Variants in NTN5 observed in about 807,000 individuals in gnomAD.
NTN5 encodes netrin-5.
Under a neutral mutation model 38.7 loss-of-function variants are expected in NTN5, and 42 were observed. The observed-to-expected ratio is 1.08, with a 90% confidence interval of 0.85 to 1.40. The LOEUF (loss-of-function observed/expected upper bound fraction) is 1.40, where lower values mean the gene tolerates loss of function less well. Ranked by LOEUF, NTN5 falls within the 40% of genes most tolerant of loss-of-function variation. NTN5 has a pLI of 0.00. For missense variants in NTN5, 658 were observed against 716.5 expected (o/e 0.92, Z 0.93); for synonymous variants, 329 against 303.9 (o/e 1.08, Z -0.86).
intron 3 of NTN5, 79 bp from the exon 4 acceptor site, chr19:48,664,371 C>T: frequency 2.6e-6 from 4 of 1,524,140 alleles, no homozygotes; most frequent in Non-Finnish European, 2.7e-6. Context: ...CCTCCTCCCT[C>T]AGCCTGGGGA....
At chr19:48,670,295 G>T in intron 2 of NTN5, 61 bp downstream of exon 2, 1 of 1,367,180 alleles carries the variant, frequency 7.3e-7, no homozygotes, top group South Asian at 1.8e-5. Flanking sequence ...TGCTCCCGTA[G>T]GGACAAAGGA....
chr19:48,670,844 G>T lies in NTN5; in HGVS notation c.143C>A (p.Ala48Asp). ...AVAASCPQAC[A>D]LSPGNHLGAR... Reference sequence around the variant, plus strand: ...GCCAAGGTGGTTTCCTGGGGACAGGGCACAGGCCTGAGGGCAGGAGGCCGC... The same window carrying T: ...GCCAAGGTGGTTTCCTGGGGACAGGTCACAGGCCTGAGGGCAGGAGGCCGC... Residue 48 changes from alanine to aspartate, a missense_variant, in exon 2 of 7, where the codon GCC (alanine) becomes GAC (aspartate). Ala to Asp is a moderately radical substitution (Grantham distance 126). Coordinates refer to ENST00000270235, the MANE Select transcript of NTN5 (RefSeq NM_145807.4). The T allele has an allele frequency of 6.2e-7, 1 of 1,612,926 alleles. No individual in the cohort carries two copies. Among genetic ancestry groups the T allele is most frequent in the South Asian group, 1.1e-5 (1 of 91,084 alleles).
chr19:48,669,038 C>T (rs2031782475), intron 2 of NTN5, among the ~76,000 whole-genome samples: 1 of 143,280 alleles, frequency 7.0e-6, no homozygotes. Context: ...CTATCACTAT[C>T]ATCACCACCA....
chr19:48,664,791 C>T (rs1452610540), intron 2 of NTN5, 24 bp from the exon 3 acceptor site: 11 of 1,506,268 alleles, frequency 7.3e-6, no homozygotes, highest in East Asian at 5.2e-5. Context: ...GGGGTGGGGG[C>T]GCATCAGGGC....
At chr19:48,669,891 T>TTAC (rs2031891602) in intron 2 of NTN5, among the ~76,000 whole-genome samples, 1 of 51,646 alleles carries the variant, frequency 1.9e-5, no homozygotes, top group Non-Finnish European at 3.8e-5. Context: ...ACCATCACCA[T>TTAC]CACCACCACC....
rs1255928474 is a variant in NTN5 at position 48,670,621 on chromosome 19, G to A, written c.366C>T (p.Thr122=). The A allele has an allele frequency of 1.3e-6, 2 of 1,599,722 alleles. No individual in the cohort carries two copies. Among genetic ancestry groups the A allele is most frequent in the African/African-American group, 2.7e-5 (2 of 74,684 alleles). The part of the protein sequence containing the change: ...PGALGGPERV[T]FHSTPGPKAT... ...CCTTAGGACCTGGTGTGGAGTGGAA[G>A]GTCACCCTTTCAGGGCCCCCTAAGG... Residue 122 remains threonine (T), a synonymous_variant, in exon 2 of 7, where the codon ACC becomes ACT. Transcript: ENST00000270235.
chr19:48,661,655 T>C lies in NTN5; in HGVS notation c.*22A>G, dbSNP rs1274712150. 1 of 1,515,536 alleles carries C rather than the reference T, an allele frequency of 6.6e-7. No homozygotes were observed. The highest frequency in any genetic ancestry group is 1.2e-5 in the South Asian group (1 of 80,412). The allele number at this position is 1,515,536 out of a possible 1,614,324, so 93.9% of individuals were successfully genotyped here. A position where few individuals can be genotyped will look rare whatever the true frequency, so the allele number is the denominator to read the frequency against. The stretch of plus-strand genomic sequence containing the variant: ...CGCTCCCAAATTACTTTGTTGGTGC[T>C]CGAGGCAGCCCCATCTCACGTCTAG... On this transcript the variant is annotated 3_prime_UTR_variant, in exon 7 of 7. Transcript: ENST00000270235.
chr19:48,667,435 G>T, intron 2 of NTN5: 1 of 394,448 alleles, frequency 2.5e-6, no homozygotes, highest in Non-Finnish European at 5.1e-6. Flanking sequence ...TCCAGGCCCA[G>T]GATGAAGGCT....
intron 2 of NTN5, among the ~76,000 whole-genome samples, chr19:48,670,014 T>TCAC (rs200692697): frequency 1.0e-3 from 101 of 99,724 alleles, no homozygotes; most frequent in Non-Finnish European, 1.6e-3. Context: ...ACCACCATCA[T>TCAC]CACCACCACC....
intron 6 of NTN5, among the ~76,000 whole-genome samples, 171 bp from the exon 7 acceptor site, chr19:48,662,212 G>C (rs1034528762): frequency 6.6e-6 from 1 of 152,158 alleles, no homozygotes; most frequent in Non-Finnish European, 1.5e-5. Flanking sequence ...AATCGTGAGG[G>C]GTAGAGCCTG....
Position 48,664,561 on chromosome 19 carries a change from T to C in NTN5, c.820+18A>G. ...CCTACCTCTGCTCCCCCCAGGCCTG[T>C]CTGCAGGCCACACTCACCTCTGCAG... On this transcript the variant is annotated intron_variant, in intron 3 of 6. Coordinates refer to ENST00000270235, the MANE Select transcript of NTN5 (RefSeq NM_145807.4). 2 of 1,587,782 alleles carry C rather than the reference T, an allele frequency of 1.3e-6. No homozygotes were observed. Among genetic ancestry groups the C allele is most frequent in the Non-Finnish European group, 1.7e-6 (2 of 1,165,834 alleles).
chr19:48,662,057 A>AT lies in NTN5; in HGVS notation c.1106-17dup. 6.9e-7 allele frequency: 1 copy of AT among 1,444,366 alleles called. No individual in the cohort carries two copies. The highest frequency in any genetic ancestry group is 9.0e-7 in the Non-Finnish European group (1 of 1,105,844). The allele number at this position is 1,444,366 out of a possible 1,614,324, so 89.5% of individuals were successfully genotyped here. Reference sequence around the variant, plus strand: ...GCGCGGAGAACTGTGGGGAGGGGAGATGTCAGCCCAGGTCGTGGGGAGCTT... The same window carrying AT: ...GCGCGGAGAACTGTGGGGAGGGGAGATTGTCAGCCCAGGTCGTGGGGAGCTT... On this transcript the variant is annotated splice_polypyrimidine_tract_variant and intron_variant, in intron 6 of 6. Transcript: ENST00000270235.
intron 6 of NTN5, chr19:48,663,115 G>A (rs1446778377): frequency 2.3e-6 from 1 of 439,636 alleles, no homozygotes; most frequent in African/African-American, 2.0e-5. Context: ...ATGAAGGGAA[G>A]CAGAAAGGGT....
At chr19:48,669,828 CCAT>C (rs1282318762) in intron 2 of NTN5, among the ~76,000 whole-genome samples, 2 of 79,818 alleles carry the variant, frequency 2.5e-5, no homozygotes, top group Non-Finnish European at 6.0e-5. Flanking sequence ...ACCACCACCA[CCAT>C]CACCATCACC....
intron 5 of NTN5, 48 bp downstream of exon 5, chr19:48,663,713 C>T (rs2147736806): frequency 1.3e-6 from 2 of 1,589,852 alleles, no homozygotes; most frequent in East Asian, 4.5e-5. Flanking sequence ...GTCAGCCCAT[C>T]CTCATTCCCA....
chr19:48,667,206 C>T (rs2031727885), intron 2 of NTN5: 1 of 163,856 alleles, frequency 6.1e-6, no homozygotes. Flanking sequence ...CGTTTTGCCT[C>T]ACTTCCCCTG....
chr19:48,661,742 C>T lies in NTN5; in HGVS notation c.1405G>A (p.Glu469Lys), dbSNP rs998833186. 85 of 1,528,814 alleles carry T rather than the reference C, an allele frequency of 5.6e-5. No homozygotes were observed. Among genetic ancestry groups the T allele is most frequent in the South Asian group, 2.3e-4 (19 of 83,830 alleles). 94.7% of individuals were successfully genotyped at this position (1,528,814 alleles called of 1,614,324 possible). Residue 469 changes from glutamate (E) to lysine (K), a missense_variant, in exon 7 of 7, where the codon GAG becomes AAG. By Grantham distance (56) the Glu-to-Lys change is moderately conservative. Transcript: ENST00000270235. ...CCGCGGCAGCCTCCGGCGCGCTCCT[C>T]CTGCTGCAGCCGCTTCAGGGGCCGG... ...WARPLKRLQQ[E>K]ERAGGCRGVR...
intron 2 of NTN5, among the ~76,000 whole-genome samples, chr19:48,666,816 T>TG (rs1424278866): frequency 6.6e-6 from 1 of 150,396 alleles, no homozygotes; most frequent in African/African-American, 2.4e-5. Context: ...CCTCGGTAGC[T>TG]GGGTCCACAG....
chr19:48,661,975 A>ACG lies in NTN5; in HGVS notation c.1170_1171dup (p.Val391AlafsTer27). 2.7e-6 allele frequency: 4 copies of ACG among 1,474,304 alleles called. No homozygotes were observed. Among genetic ancestry groups the ACG allele is most frequent in the Non-Finnish European group, 3.6e-6 (4 of 1,120,306 alleles). 91.3% of individuals were successfully genotyped at this position (1,474,304 alleles called of 1,614,324 possible). On this transcript the variant is annotated frameshift_variant, in exon 7 of 7. Coordinates refer to ENST00000270235, the MANE Select transcript of NTN5 (RefSeq NM_145807.4). LOFTEE classifies it low-confidence loss of function (END_TRUNC). Reference sequence around the variant, plus strand: ...CGCCCGCTGCTTGTAAACGGCCAGCACGCGCACGGCCAGCCGCTGCCATGC... The same window carrying ACG: ...CGCCCGCTGCTTGTAAACGGCCAGCACGCGCGCACGGCCAGCCGCTGCCATGC...
Sources: gnomAD v4.1 joint callset for allele counts (sites outside exome capture counted in the v4.1 genomes callset) on GRCh38, gnomAD v4.1.1 for gene constraint, MANE v1.5 for transcripts, NCBI Gene and HGNC (gene_info 2026-07-23, HGNC 2026-07-21) for gene names.